Variants in GABRA5 observed in about 807,000 individuals in gnomAD.
The protein encoded by GABRA5 is gamma-aminobutyric acid receptor subunit alpha-5.
In GABRA5, 18 loss-of-function variants were observed where a neutral mutation model predicts 47.3. The observed-to-expected ratio is 0.38, with a 90% CI of 0.26 to 0.56. The LOEUF (loss-of-function observed/expected upper bound fraction) is 0.56, where lower values mean the gene tolerates loss of function less well. Among genes scored for constraint, GABRA5 ranks in the 20% least tolerant of loss-of-function variants. The probability of loss-of-function intolerance (pLI) is 0.71; values close to 1 mark genes in which losing one functional copy is unlikely to be tolerated. For missense variants in GABRA5, 365 were observed against 599.3 expected (o/e 0.61, Z 4.08); for synonymous variants, 237 against 229.3 (o/e 1.03, Z -0.30).
At position 26,919,464 on chromosome 15, in the gene GABRA5, C is replaced by T. The variant is rs1202533259; in HGVS notation, c.580+4579C>T. ...TATATAAAATATCTTAAACGTATAACACTATCTTATGATAATATCTTAACA... is the reference window on the plus strand; with the variant it reads ...TATATAAAATATCTTAAACGTATAATACTATCTTATGATAATATCTTAACA... On this transcript the variant is annotated intron_variant, in intron 7 of 10. Coordinates refer to ENST00000335625, the MANE Select transcript of GABRA5 (RefSeq NM_000810.4). Among the ~76,000 whole-genome samples the T allele has an allele frequency of 2.0e-5, 3 of 152,186 alleles. No homozygotes were observed. In the East Asian group the frequency reaches 5.8e-4, roughly 29 times the overall value.
intron 7 of GABRA5, among the ~76,000 whole-genome samples, chr15:26,915,757 T>A (rs1213016804): frequency 1.3e-5 from 2 of 152,150 alleles, no homozygotes; most frequent in African/African-American, 4.8e-5. Flanking sequence ...AATGTTCTCC[T>A]TGAGATGAAG....
chr15:26,908,074 G>A (rs994722296), intron 6 of GABRA5, among the ~76,000 whole-genome samples: 2 of 152,150 alleles, frequency 1.3e-5, no homozygotes, highest in African/African-American at 4.8e-5. Context: ...TGTATTGCTA[G>A]CATCAGTAAC....
chr15:26,881,006 A>C (rs760424965), intron 4 of GABRA5, 39 bp downstream of exon 4: 1 of 1,607,142 alleles, frequency 6.2e-7, no homozygotes, highest in South Asian at 1.1e-5. Context: ...GCAAGGATCC[A>C]GGAAGGGCTT....
At chr15:26,943,464 TG>T (rs1253846897) in intron 10 of GABRA5, 38 bp downstream of exon 10, 6 of 1,524,182 alleles carry the variant, frequency 3.9e-6, no homozygotes, top group Non-Finnish European at 5.4e-6. Flanking sequence ...CAGGTCCCCT[TG>T]ACAGAGAAAG....
At chr15:26,870,374 C>T (rs1892436179) in intron 3 of GABRA5, among the ~76,000 whole-genome samples, 2 of 152,204 alleles carry the variant, frequency 1.3e-5, no homozygotes, top group African/African-American at 4.8e-5. Flanking sequence ...GGTGCAGTGG[C>T]TGGTAGAAGA....
At chr15:26,881,367 A>G (rs1185272956) in intron 4 of GABRA5, among the ~76,000 whole-genome samples, 1 of 152,214 alleles carries the variant, frequency 6.6e-6, no homozygotes, top group African/African-American at 2.4e-5. Flanking sequence ...ATAGTCTTGT[A>G]TCTATGCGAG....
intron 6 of GABRA5, among the ~76,000 whole-genome samples, chr15:26,914,145 G>A (rs1339707939): frequency 6.6e-6 from 1 of 152,016 alleles, no homozygotes; most frequent in Admixed American, 6.5e-5. Flanking sequence ...ATTATAATTT[G>A]GAAGACTAGG....
intron 7 of GABRA5, among the ~76,000 whole-genome samples, chr15:26,932,270 C>G (rs1303359159): frequency 6.6e-6 from 1 of 151,734 alleles, no homozygotes; most frequent in African/African-American, 2.4e-5. Flanking sequence ...AACAAATTTG[C>G]AAGGAAAAAA....
intron 7 of GABRA5, among the ~76,000 whole-genome samples, chr15:26,925,580 A>G (rs1843146273): frequency 6.6e-6 from 1 of 152,188 alleles, no homozygotes; most frequent in African/African-American, 2.4e-5. Flanking sequence ...ATTCTTAAGC[A>G]TATTTATAAT....
chr15:26,866,756 G>A (rs1892320271), upstream of GABRA5: 2 of 152,366 alleles, frequency 1.3e-5, no homozygotes, highest in Admixed American at 1.3e-4. Context: ...GGGGTGCCAT[G>A]GAGCACCCGG....
chr15:26,900,119 G>A (rs1176241529), intron 6 of GABRA5, among the ~76,000 whole-genome samples: 2 of 151,918 alleles, frequency 1.3e-5, no homozygotes, highest in African/African-American at 2.4e-5. Flanking sequence ...AATCTGGTTT[G>A]GGTTAAAACC....
At chr15:26,894,770 C>A (rs1371337495) in intron 6 of GABRA5, among the ~76,000 whole-genome samples, 1 of 152,124 alleles carries the variant, frequency 6.6e-6, no homozygotes, top group Non-Finnish European at 1.5e-5. Context: ...AGTTCTGGGA[C>A]CTTTCTGAAG....
At chr15:26,909,285 G>A (rs1893521432) in intron 6 of GABRA5, among the ~76,000 whole-genome samples, 3 of 152,012 alleles carry the variant, frequency 2.0e-5, no homozygotes, top group Non-Finnish European at 2.9e-5. Context: ...ACGTGGCCTC[G>A]TGATGACATT....
chr15:26,934,312 G>C (rs1270104474), intron 7 of GABRA5, among the ~76,000 whole-genome samples: 1 of 148,652 alleles, frequency 6.7e-6, no homozygotes, highest in East Asian at 2.0e-4. Context: ...GGGAAGCCTA[G>C]AGATATGGGT....
chr15:26,930,071 G>C (rs1280383304), intron 7 of GABRA5, among the ~76,000 whole-genome samples: 1 of 148,170 alleles, frequency 6.7e-6, no homozygotes, highest in Non-Finnish European at 1.5e-5. Context: ...TCAGGATGGA[G>C]TGCAATGGCA....
At position 26,883,576 on chromosome 15, in the gene GABRA5, C is replaced by CGGGGGGGGGG; in HGVS notation, c.497+22_497+23insGGGGGGGGGG. On this transcript the variant is annotated intron_variant, in intron 6 of 10. Transcript: ENST00000335625. The surrounding 1 kb of genome is among the most constrained non-coding windows in gnomAD (Gnocchi z 4.8). ...CCATGCGGTGAGCGCCGGGCGGGGG[C>CGGGGGGGGGG]GGGCGGGGCCGGGGGACGGTGCGGG... The CGGGGGGGGGG allele has an allele frequency of 1.4e-5, 7 of 495,386 alleles. No individual in the cohort carries two copies. The highest frequency in any genetic ancestry group is 2.6e-5 in the Non-Finnish European group (7 of 265,974). The allele number at this position is 495,386 out of a possible 1,614,324, so 30.7% of individuals were successfully genotyped here. A position where few individuals can be genotyped will look rare whatever the true frequency, so the allele number is the denominator to read the frequency against.
chr15:26,912,262 C>T (rs577368419), intron 6 of GABRA5, among the ~76,000 whole-genome samples: 1 of 152,318 alleles, frequency 6.6e-6, no homozygotes, highest in African/African-American at 2.4e-5. Context: ...TGACTAAAGT[C>T]TTCCTTCTTA....
chr15:26,916,509 A>G (rs1191139383), intron 7 of GABRA5, among the ~76,000 whole-genome samples: 1 of 152,122 alleles, frequency 6.6e-6, no homozygotes, highest in Non-Finnish European at 1.5e-5. Context: ...CAGGACATGT[A>G]ATGCCTCCAG....
At chr15:26,873,294 C>A (rs986766708) in intron 3 of GABRA5, among the ~76,000 whole-genome samples, 4 of 152,024 alleles carry the variant, frequency 2.6e-5, no homozygotes, top group Non-Finnish European at 5.9e-5. Context: ...AGACCAGTGA[C>A]AATTGTGAGA....
Sources: gnomAD v4.1 joint callset for allele counts (sites outside exome capture counted in the v4.1 genomes callset) on GRCh38, gnomAD v4.1.1 for gene constraint, Gnocchi (gnomAD v3.1) non-coding constraint, MANE v1.5 for transcripts, NCBI Gene and HGNC (gene_info 2026-07-23, HGNC 2026-07-21) for gene names.